ATRNL1: variants seen among roughly 807,000 people sequenced by gnomAD.
The protein encoded by ATRNL1 is attractin-like protein 1.
A neutral mutation model predicts 182.7 loss-of-function variants in ATRNL1; 95 were observed. The observed-to-expected ratio is 0.52, with a 90% CI of 0.44 to 0.62. The LOEUF (loss-of-function observed/expected upper bound fraction) is 0.62, where lower values mean the gene tolerates loss of function less well. Ranked by LOEUF, ATRNL1 falls within the 20% of genes least tolerant of loss-of-function variation. The pLI, the probability that ATRNL1 is intolerant of heterozygous loss-of-function variation, is 0.00. For synonymous variants in ATRNL1, 576 were observed against 568.3 expected, an observed-to-expected ratio of 1.01 and a Z score of -0.19; for missense variants, 1,471 against 1,679.5, an observed-to-expected ratio of 0.88 and a Z score of 2.17.
chr10:115,919,802 T>G (rs537349757), intron 28 of ATRNL1, among the ~76,000 whole-genome samples: 1 of 152,206 alleles, frequency 6.6e-6, no homozygotes, highest in Admixed American at 6.5e-5. Flanking sequence ...GTGAGGGCCT[T>G]CTTGCTGATT....
chr10:115,261,149 T>A (rs1413733687), intron 10 of ATRNL1, among the ~76,000 whole-genome samples: 2 of 152,080 alleles, frequency 1.3e-5, no homozygotes, highest in African/African-American at 4.8e-5. Flanking sequence ...GCATAGTGCC[T>A]TACAAAAGCA....
intron 19 of ATRNL1, among the ~76,000 whole-genome samples, chr10:115,364,084 C>T (rs1382761581): frequency 1.3e-5 from 2 of 149,214 alleles, no homozygotes; most frequent in Non-Finnish European, 3.0e-5. Flanking sequence ...ATGGGGATGG[C>T]ATTGAATCTG....
At position 115,099,909 on chromosome 10, in the gene ATRNL1, G is replaced by C. The variant is rs565487928; in HGVS notation, c.293+5866G>C. On this transcript the variant is annotated intron_variant, in intron 1 of 28. Transcript: ENST00000355044. Reference sequence around the variant, plus strand: ...CAATGCAAAGAGAATGAAATCTCTTGACAGTATTTTTCAAAGAATCTAAGT... The same window carrying C: ...CAATGCAAAGAGAATGAAATCTCTTCACAGTATTTTTCAAAGAATCTAAGT... 2.6e-5 allele frequency among the ~76,000 whole-genome samples: 4 copies of C among 152,250 alleles called. No homozygotes were observed. In the South Asian group the frequency reaches 8.3e-4, roughly 32 times the overall value.
chr10:115,671,390 A>G (rs1486765540), intron 26 of ATRNL1, among the ~76,000 whole-genome samples: 4 of 152,162 alleles, frequency 2.6e-5, no homozygotes, highest in Non-Finnish European at 5.9e-5. Flanking sequence ...CTTCTAATAT[A>G]AAAGATTTCC....
At chr10:115,425,617 A>G (rs1383444915) in intron 20 of ATRNL1, among the ~76,000 whole-genome samples, 1 of 152,036 alleles carries the variant, frequency 6.6e-6, no homozygotes, top group East Asian at 1.9e-4. Context: ...ATGGATGCGC[A>G]TATGTTCTTT....
chr10:115,490,335 C>T (rs937522574), intron 24 of ATRNL1, among the ~76,000 whole-genome samples: 2 of 152,132 alleles, frequency 1.3e-5, no homozygotes, highest in African/African-American at 4.8e-5. Context: ...AGCATGGTTC[C>T]ATTCTCCTTG....
At chr10:115,177,912 GTTTTTTTTTTTGT>G (rs1247826325) in intron 8 of ATRNL1, among the ~76,000 whole-genome samples, 70 of 71,060 alleles carry the variant, frequency 9.9e-4, no homozygotes, top group South Asian at 3.1e-3. Context: ...TGTTTTTTTT[GTTTTTTTTTTTGT>G]TTTTTTTTTT....
intron 27 of ATRNL1, 104 bp from the exon 28 acceptor site, chr10:115,847,773 A>C (rs1950963308): frequency 7.2e-6 from 5 of 690,090 alleles, no homozygotes; most frequent in Non-Finnish European, 8.0e-6. Context: ...TGTCCTGAAC[A>C]ACTAGGAATG....
chr10:115,609,874 G>A (rs1430180902), intron 26 of ATRNL1, among the ~76,000 whole-genome samples: 1 of 152,086 alleles, frequency 6.6e-6, no homozygotes, highest in Admixed American at 6.6e-5. Context: ...TGTTCTTACG[G>A]TATCCGTGGC....
At chr10:115,548,295 T>G (rs1247676324) in intron 25 of ATRNL1, among the ~76,000 whole-genome samples, 1 of 152,226 alleles carries the variant, frequency 6.6e-6, no homozygotes, top group African/African-American at 2.4e-5. Context: ...TTGACATTGT[T>G]GTTATCGTTG....
At chr10:115,694,197 C>CAA (rs1307732210) in intron 26 of ATRNL1, among the ~76,000 whole-genome samples, 1 of 151,024 alleles carries the variant, frequency 6.6e-6, no homozygotes, top group Non-Finnish European at 1.5e-5. Flanking sequence ...CACACACACA[C>CAA]ACACACTTCC....
At position 115,129,459 on chromosome 10, in the gene ATRNL1, C is replaced by T. The variant is rs368902300; in HGVS notation, c.753C>T (p.Ala251=). The T allele has an allele frequency of 1.6e-4, 251 of 1,613,892 alleles. No homozygotes were observed. The highest frequency in any genetic ancestry group is 2.0e-4 in the Non-Finnish European group (238 of 1,179,998). The change falls in exon 5 of 29, where the codon GCC becomes GCT. Residue 251 remains alanine (A), a synonymous_variant. Coordinates refer to ENST00000355044, the MANE Select transcript of ATRNL1 (RefSeq NM_207303.4). The part of the protein sequence containing the change: ...GEACDIPYCK[A]NCGSPDHGYC... ...CTTGTGATATTCCTTACTGTAAAGCCAATTGCGGCAGTCCAGATCACGGTT... is the reference window on the plus strand; with the variant it reads ...CTTGTGATATTCCTTACTGTAAAGCTAATTGCGGCAGTCCAGATCACGGTT...
intron 17 of ATRNL1, among the ~76,000 whole-genome samples, chr10:115,308,115 A>G (rs1300574100): frequency 6.6e-6 from 1 of 152,150 alleles, no homozygotes; most frequent in African/African-American, 2.4e-5. Flanking sequence ...TGAGAAACAA[A>G]TAGGATTTTG....
rs530968137 is a variant in ATRNL1 at position 115,642,476 on chromosome 10, T to C, written c.3796-84772T>C. The stretch of plus-strand genomic sequence containing the variant: ...CTTTTTTTTTGAGATGGAGTTTTGC[T>C]CTTGTGGCCCAGGCTAGAGTGCAAT... On this transcript the variant is annotated intron_variant, in intron 26 of 28. Coordinates refer to ENST00000355044, the MANE Select transcript of ATRNL1 (RefSeq NM_207303.4). Among the ~76,000 whole-genome samples, 7 of 151,584 alleles carry C rather than the reference T, an allele frequency of 4.6e-5. No individual in the cohort carries two copies. The South Asian group carries it at 1.5e-3, about 32-fold the overall frequency.
intron 5 of ATRNL1, among the ~76,000 whole-genome samples, chr10:115,148,835 C>T (rs1846089281): frequency 6.7e-6 from 1 of 149,548 alleles, no homozygotes; most frequent in Admixed American, 6.7e-5. Context: ...CTGCAACATC[C>T]TCCTCCCAGG....
chr10:115,412,760 T>G (rs1554960182), intron 20 of ATRNL1, among the ~76,000 whole-genome samples: 1 of 152,222 alleles, frequency 6.6e-6, no homozygotes, highest in East Asian at 1.9e-4. Flanking sequence ...TACCTTTGTG[T>G]AAATAAACAC....
At position 115,944,682 on chromosome 10, in the gene ATRNL1, T is replaced by C. The variant is rs1555125037; in HGVS notation, c.4043T>C (p.Ile1348Thr). The C allele has an allele frequency of 5.0e-6, 8 of 1,613,066 alleles. No individual in the cohort carries two copies. Among genetic ancestry groups the C allele is most frequent in the South Asian group, 2.2e-5 (2 of 90,904 alleles). ...QSGLAIASAL[I>T]DISQQKASDS... ...GGCCTTGCAATTGCCAGTGCCCTAATAGATATTTCACAACAGAAAGCTTCA... is the reference window on the plus strand; with the variant it reads ...GGCCTTGCAATTGCCAGTGCCCTAACAGATATTTCACAACAGAAAGCTTCA... Residue 1348 changes from isoleucine (I) to threonine (T), a missense_variant, in exon 29 of 29, where the codon ATA becomes ACA. By Grantham distance (89) the Ile-to-Thr change is moderately conservative. Coordinates refer to ENST00000355044, the MANE Select transcript of ATRNL1 (RefSeq NM_207303.4).
intron 8 of ATRNL1, among the ~76,000 whole-genome samples, chr10:115,199,863 GC>G (rs1461190345): frequency 1.3e-5 from 2 of 152,124 alleles, no homozygotes; most frequent in Non-Finnish European, 2.9e-5. Flanking sequence ...TATTCAGAAT[GC>G]TTCTATTCTT....
intron 26 of ATRNL1, among the ~76,000 whole-genome samples, chr10:115,629,770 A>G (rs1205102875): frequency 6.6e-6 from 1 of 152,100 alleles, no homozygotes; most frequent in African/African-American, 2.4e-5. Flanking sequence ...TATAGTTTAA[A>G]CATGGAATTC....
Sources: allele counts gnomAD v4.1 joint callset (sites outside exome capture counted in the v4.1 genomes callset), GRCh38; gene constraint gnomAD v4.1.1; transcripts MANE v1.5; gene names NCBI Gene and HGNC (gene_info 2026-07-23, HGNC 2026-07-21).